Variants in GCGR observed in about 807,000 individuals in gnomAD.
GCGR encodes the protein glucagon receptor.
A neutral mutation model predicts 56.1 loss-of-function variants in GCGR; 41 were observed. That is an observed-to-expected ratio of 0.73 (90% CI 0.57 to 0.95). The LOEUF (loss-of-function observed/expected upper bound fraction) is 0.95. Among genes scored for constraint, GCGR ranks in the 40% least tolerant of loss-of-function variants. The pLI is 0.00. For missense variants in GCGR, 595 were observed against 638.2 expected (o/e 0.93, Z 0.73); for synonymous variants, 278 against 271.1 (o/e 1.03, Z -0.25).
rs2038120693 is a variant in GCGR, at chr17:81,812,391, C to G, written c.948+139C>G. On this transcript the variant is annotated intron_variant, in intron 10 of 13. Coordinates refer to ENST00000400723, the MANE Select transcript of GCGR (RefSeq NM_000160.5). This position sits in a 1 kb window ranked among gnomAD's most constrained non-coding sequence, Gnocchi z 8.5. ...CCAGACAGGACACCAGGACACTGGCCAGCACCCTGGACACTGAGCCAGGCT... is the reference window on the plus strand; with the variant it reads ...CCAGACAGGACACCAGGACACTGGCGAGCACCCTGGACACTGAGCCAGGCT... 2 of 1,098,970 alleles carry G rather than the reference C, an allele frequency of 1.8e-6. No individual in the cohort carries two copies. Among genetic ancestry groups the G allele is most frequent in the South Asian group, 2.9e-5 (2 of 69,068 alleles). 68.1% of individuals were successfully genotyped at this position (1,098,970 alleles called of 1,614,324 possible).
In GCGR at chr17:81,811,639, C is replaced by G. The variant is rs2038101944; in HGVS notation, c.658-12C>G. 6.5e-7 allele frequency: 1 copy of G among 1,536,168 alleles called. No individual in the cohort carries two copies. The highest frequency in any genetic ancestry group is 8.7e-7 in the Non-Finnish European group (1 of 1,146,884). On this transcript the variant is annotated splice_polypyrimidine_tract_variant and intron_variant, in intron 7 of 13. Transcript: ENST00000400723. This position sits in a 1 kb window ranked among gnomAD's most constrained non-coding sequence, Gnocchi z 5.8. ...TGGCCACGTAGCCGCGCTCACACTG[C>G]ACCTGTACCAGGCGGTGGCTGGCTG... is the stretch of plus-strand genomic sequence containing the variant.
chr17:81,804,316 G>C lies in GCGR; in HGVS notation c.-178+67G>C, dbSNP rs2037899019. 1 of 152,316 alleles carries C rather than the reference G, an allele frequency of 6.6e-6. No individual in the cohort carries two copies. Among genetic ancestry groups the C allele is most frequent in the South Asian group, 1.8e-4 (1 of 5,558 alleles). 9.4% of individuals were successfully genotyped at this position (152,316 alleles called of 1,614,324 possible). A position where few individuals can be genotyped will look rare whatever the true frequency, so the allele number is the denominator to read the frequency against. On this transcript the variant is annotated intron_variant, in intron 1 of 13. Coordinates refer to ENST00000400723, the MANE Select transcript of GCGR (RefSeq NM_000160.5). This position sits in a 1 kb window ranked among gnomAD's most constrained non-coding sequence, Gnocchi z 8.2. ...CGACCCGGTGGGGACAGAGACCGCG[G>C]GGCGGGCGCGGCGGGGCCGGGGGCG... is the stretch of plus-strand genomic sequence containing the variant.
rs925245657 is a variant in GCGR at position 81,809,086 on chromosome 17, C to T, written c.60+8C>T. 1.3e-5 allele frequency: 20 copies of T among 1,535,540 alleles called. No individual in the cohort carries two copies. In the Admixed American group the frequency reaches 3.9e-4, roughly 30 times the overall value. On this transcript the variant is annotated splice_region_variant and intron_variant, in intron 2 of 13. Transcript: ENST00000400723. ...CTGCTGCTGGCCTGCCAGGTGAGGA[C>T]TCACAGCACCCTCAGCACCCAGGGG...
Position 81,812,775 on chromosome 17 carries a change from G to A in GCGR, c.1038-32G>A. ...GTGGATGGTGCGGGCCGAGGGTGGG[G>A]GCGGTGGGTGACTCAGGCGCTGCCT... is the stretch of plus-strand genomic sequence containing the variant. On this transcript the variant is annotated intron_variant, in intron 11 of 13. Coordinates refer to ENST00000400723, the MANE Select transcript of GCGR (RefSeq NM_000160.5). This position sits in a 1 kb window ranked among gnomAD's most constrained non-coding sequence, Gnocchi z 8.5. 1 of 1,535,218 alleles carries A rather than the reference G, an allele frequency of 6.5e-7. No individual in the cohort carries two copies. The highest frequency in any genetic ancestry group is 2.4e-5 in the East Asian group (1 of 40,886).
At chr17:81,809,741 G>GCC (rs2038055009) in intron 2 of GCGR, 41 bp from the exon 3 acceptor site, 3 of 1,389,760 alleles carry the variant, frequency 2.2e-6, no homozygotes. Flanking sequence ...CTGCCTGCCT[G>GCC]TCTGTCTGTC....
At position 81,808,858 on chromosome 17, in the gene GCGR, G is replaced by A; in HGVS notation, c.-161G>A. On this transcript the variant is annotated 5_prime_UTR_variant, in exon 2 of 14. Coordinates refer to ENST00000400723, the MANE Select transcript of GCGR (RefSeq NM_000160.5). ...TATCCCTAGGACCCTGAGGCTCAGA[G>A]GGGCAGCTTCAGGGGAGGACACCCC... The A allele has an allele frequency of 2.4e-6, 2 of 826,728 alleles. No homozygotes were observed. The highest frequency in any genetic ancestry group is 1.6e-5 in the South Asian group (1 of 63,864). 51.2% of individuals were successfully genotyped at this position (826,728 alleles called of 1,614,324 possible). A position where few individuals can be genotyped will look rare whatever the true frequency, so the allele number is the denominator to read the frequency against.
chr17:81,809,725 G>T, intron 2 of GCGR, 57 bp from the exon 3 acceptor site: 1 of 1,364,906 alleles, frequency 7.3e-7, no homozygotes, highest in Non-Finnish European at 1.0e-6. Flanking sequence ...CTGTCTGCCT[G>T]TCTGTCTGCC....
At chr17:81,807,762 C>T (rs1041593921) in intron 1 of GCGR, among the ~76,000 whole-genome samples, 1 of 152,256 alleles carries the variant, frequency 6.6e-6, no homozygotes, top group African/African-American at 2.4e-5. Flanking sequence ...AAGACCCTCC[C>T]TGCTTCTCCC....
Position 81,812,725 on chromosome 17 carries a change from T to G in GCGR, c.1037+60T>G, listed in dbSNP as rs1272970106. On this transcript the variant is annotated intron_variant, in intron 11 of 13. Coordinates refer to ENST00000400723, the MANE Select transcript of GCGR (RefSeq NM_000160.5). This position sits in a 1 kb window ranked among gnomAD's most constrained non-coding sequence, Gnocchi z 8.5. Reference sequence around the variant, plus strand: ...GAGACCCTCAGGGCCAGAGGGCAGCTGGGGGTGGGGACTCCAAGCTCCACG... The same window carrying G: ...GAGACCCTCAGGGCCAGAGGGCAGCGGGGGGTGGGGACTCCAAGCTCCACG... 4 of 1,524,048 alleles carry G rather than the reference T, an allele frequency of 2.6e-6. No homozygotes were observed. The Admixed American group carries it at 7.9e-5, about 30-fold the overall frequency. The allele number at this position is 1,524,048 out of a possible 1,614,324, so 94.4% of individuals were successfully genotyped here.
At position 81,809,043 on chromosome 17, in the gene GCGR, C is replaced by T. The variant is rs1280999107; in HGVS notation, c.25C>T (p.Pro9Ser). Reference sequence around the variant, plus strand: ...CATGCCCCCCTGCCAGCCACAGCGACCCCTGCTGCTGTTGCTGCTGCTGCT... The same window carrying T: ...CATGCCCCCCTGCCAGCCACAGCGATCCCTGCTGCTGTTGCTGCTGCTGCT... MPPCQPQR[P>S]LLLLLLLLAC... Residue 9 changes from proline (P) to serine (S), a missense_variant, in exon 2 of 14, where the codon CCC becomes TCC. Transcript: ENST00000400723. 2.0e-6 allele frequency: 3 copies of T among 1,536,100 alleles called. No individual in the cohort carries two copies. Among genetic ancestry groups the T allele is most frequent in the African/African-American group, 2.7e-5 (2 of 73,054 alleles).
In GCGR at chr17:81,804,693, G is replaced by T. The variant is rs1301084169; in HGVS notation, c.-178+444G>T. Among the ~76,000 whole-genome samples the T allele has an allele frequency of 6.6e-6, 1 of 152,072 alleles. No homozygotes were observed. Among genetic ancestry groups the T allele is most frequent in the African/African-American group, 2.4e-5 (1 of 41,426 alleles). On this transcript the variant is annotated intron_variant, in intron 1 of 13. Coordinates refer to ENST00000400723, the MANE Select transcript of GCGR (RefSeq NM_000160.5). The surrounding 1 kb of genome is among the most constrained non-coding windows in gnomAD (Gnocchi z 8.2). ...TCCCCTCGGTGGGCTCCTGCCCCGA[G>T]GACTGCCCGGTGGCACCGGCGCGGC...
At position 81,810,792 on chromosome 17, in the gene GCGR, C is replaced by T; in HGVS notation, c.164-33C>T. The T allele has an allele frequency of 4.6e-6, 7 of 1,524,546 alleles. No homozygotes were observed. Among genetic ancestry groups the T allele is most frequent in the Non-Finnish European group, 6.2e-6 (7 of 1,135,906 alleles). 94.4% of individuals were successfully genotyped at this position (1,524,546 alleles called of 1,614,324 possible). On this transcript the variant is annotated intron_variant, in intron 3 of 13. Transcript: ENST00000400723. The surrounding 1 kb of genome is among the most constrained non-coding windows in gnomAD (Gnocchi z 4.6). ...GAGCCCCTTCTCCCACCCTGCCCTGCCCTGCTCTGCCCTGCCCTACCCTAC... is the reference window on the plus strand; with the variant it reads ...GAGCCCCTTCTCCCACCCTGCCCTGTCCTGCTCTGCCCTGCCCTACCCTAC...
At position 81,811,553 on chromosome 17, in the gene GCGR, G is replaced by T; in HGVS notation, c.650G>T (p.Ser217Ile). 2 of 1,536,318 alleles carry T rather than the reference G, an allele frequency of 1.3e-6. No individual in the cohort carries two copies. Among genetic ancestry groups the T allele is most frequent in the East Asian group, 4.9e-5 (2 of 40,930 alleles). Reference protein sequence around the residue: ...GDDLSVSTWLSDGAVAGCRVA... With the variant: ...GDDLSVSTWLIDGAVAGCRVA... ...GACCTCAGTGTCAGCACCTGGCTCA[G>T]TGATGGAGTGAGCCCCCCTCGGCGG... is the stretch of plus-strand genomic sequence containing the variant. Residue 217 changes from serine to isoleucine, a missense_variant, in exon 7 of 14, where the codon AGT becomes ATT. Ser to Ile is a moderately radical substitution (Grantham distance 142). Coordinates refer to ENST00000400723, the MANE Select transcript of GCGR (RefSeq NM_000160.5). The surrounding 1 kb of genome is among the most constrained non-coding windows in gnomAD (Gnocchi z 5.8).
Position 81,813,770 on chromosome 17 carries a change from G to C in GCGR, c.*81G>C. On this transcript the variant is annotated 3_prime_UTR_variant, in exon 14 of 14. Coordinates refer to ENST00000400723, the MANE Select transcript of GCGR (RefSeq NM_000160.5). The surrounding 1 kb of genome is among the most constrained non-coding windows in gnomAD (Gnocchi z 5.3). ...ACAACCCAGAACTGGACGCCCAGCTGAGGCTGGGGGCGGGGGAGCCAACAG... is the reference window on the plus strand; with the variant it reads ...ACAACCCAGAACTGGACGCCCAGCTCAGGCTGGGGGCGGGGGAGCCAACAG... 3 of 1,369,154 alleles carry C rather than the reference G, an allele frequency of 2.2e-6. No homozygotes were observed. Among genetic ancestry groups the C allele is most frequent in the Non-Finnish European group, 3.0e-6 (3 of 1,016,922 alleles). 84.8% of individuals were successfully genotyped at this position (1,369,154 alleles called of 1,614,324 possible). A position where few individuals can be genotyped will look rare whatever the true frequency, so the allele number is the denominator to read the frequency against.
Position 81,812,909 on chromosome 17 carries a change from C to A in GCGR, c.1140C>A (p.Ala380=). The A allele has an allele frequency of 2.6e-6, 4 of 1,536,138 alleles. No individual in the cohort carries two copies. The highest frequency in any genetic ancestry group is 1.7e-4 in the Middle Eastern group (1 of 5,988). Residue 380 remains alanine (A), a synonymous_variant, in exon 12 of 14, where the codon GCC becomes GCA. Transcript: ENST00000400723. This position sits in a 1 kb window ranked among gnomAD's most constrained non-coding sequence, Gnocchi z 8.5. ...ACGCCCAGGGCACCCTGCGCTCCGC[C>A]AAGCTCTTCTTCGACCTCTTCCTCA... ...DEHAQGTLRS[A]KLFFDLFLSS... is the part of the protein sequence containing the mutation.
rs541097410 is a variant in GCGR, at chr17:81,804,757, G to T, written c.-178+508G>T. 1.1e-3 allele frequency among the ~76,000 whole-genome samples: 160 copies of T among 152,256 alleles called. 1 individual carries two copies. The highest frequency in any genetic ancestry group is 3.7e-3 in the African/African-American group (152 of 41,572). On this transcript the variant is annotated intron_variant, in intron 1 of 13. Coordinates refer to ENST00000400723, the MANE Select transcript of GCGR (RefSeq NM_000160.5). The surrounding 1 kb of genome is among the most constrained non-coding windows in gnomAD (Gnocchi z 8.2). The stretch of plus-strand genomic sequence containing the variant: ...AGGGGTGTCTGCGCCCCGCCTGGCC[G>T]CTCCTCTTCCGCGGCCCACACTGGC...
Position 81,812,687 on chromosome 17 carries a change from G to A in GCGR, c.1037+22G>A, listed in dbSNP as rs1272144039. 1.6e-5 allele frequency: 24 copies of A among 1,531,526 alleles called. No individual in the cohort carries two copies. The highest frequency in any genetic ancestry group is 1.7e-4 in the Middle Eastern group (1 of 5,998). 94.9% of individuals were successfully genotyped at this position (1,531,526 alleles called of 1,614,324 possible). On this transcript the variant is annotated intron_variant, in intron 11 of 13. Transcript: ENST00000400723. This position sits in a 1 kb window ranked among gnomAD's most constrained non-coding sequence, Gnocchi z 8.5. ...TCCGGTGGGTGCCGCGGCAGCTGGC[G>A]TCTCGAGACCTGGAGACCCTCAGGG...
intron 3 of GCGR, 29 bp downstream of exon 3, chr17:81,809,913 C>T (rs1242346550): frequency 6.8e-7 from 1 of 1,470,200 alleles, no homozygotes. Context: ...GCCTTTCAGC[C>T]TGTGCCTGGC....
In GCGR at chr17:81,808,895, C is replaced by T. The variant is rs1484079483; in HGVS notation, c.-124C>T. 15 of 1,199,324 alleles carry T rather than the reference C, an allele frequency of 1.3e-5. 1 individual carries two copies. The highest frequency in any genetic ancestry group is 4.5e-5 in the African/African-American group (3 of 66,504). The allele number at this position is 1,199,324 out of a possible 1,614,324, so 74.3% of individuals were successfully genotyped here. ...GGGGAGGACACCCCACTGGCCAGGA[C>T]GCCCCAGGCTCTGCTGCTCTGCCAC... is the stretch of plus-strand genomic sequence containing the variant. On this transcript the variant is annotated 5_prime_UTR_variant, in exon 2 of 14. In the 5' UTR this introduces an upstream ATG that the reference lacks. Coordinates refer to ENST00000400723, the MANE Select transcript of GCGR (RefSeq NM_000160.5).
Sources: gnomAD v4.1 joint callset for allele counts (sites outside exome capture counted in the v4.1 genomes callset) on GRCh38, gnomAD v4.1.1 for gene constraint, Gnocchi (gnomAD v3.1) non-coding constraint, MANE v1.5 for transcripts, NCBI Gene and HGNC (gene_info 2026-07-23, HGNC 2026-07-21) for gene names.